ZFHX3: variants seen among roughly 807,000 people sequenced by gnomAD.
ZFHX3 encodes the protein zinc finger homeobox protein 3.
In ZFHX3, 42 loss-of-function variants were observed where a neutral mutation model predicts 279.1. The observed-to-expected ratio is 0.15, with a 90% CI of 0.12 to 0.19. The LOEUF is 0.19. Ranked by LOEUF, ZFHX3 falls within the 10% of genes least tolerant of loss-of-function variation. The probability of loss-of-function intolerance (pLI) is 1.00; values close to 1 mark genes in which losing one functional copy is unlikely to be tolerated. For missense variants in ZFHX3, 4,981 were observed against 4,754.0 expected (o/e 1.05, Z -1.40); for synonymous variants, 2,293 against 1,957.8 (o/e 1.17, Z -4.52).
chr16:73,749,309 C>A (rs935058737), intron 1 of ZFHX3, among the ~76,000 whole-genome samples: 1 of 151,864 alleles, frequency 6.6e-6, no homozygotes, highest in Non-Finnish European at 1.5e-5. Context: ...TCCCTTCCCA[C>A]TACCCCGATA....
At chr16:73,189,929 T>C (rs1334294662) in intron 5 of ZFHX3, among the ~76,000 whole-genome samples, 1 of 151,682 alleles carries the variant, frequency 6.6e-6, no homozygotes. Context: ...CCCTCATCTC[T>C]AAAAAAATTA....
chr16:73,381,333 G>T (rs2113268), intron 3 of ZFHX3, among the ~76,000 whole-genome samples: 86,243 of 151,984 alleles, frequency 0.57, 25,081 homozygotes, highest in Non-Finnish European at 0.63. Context: ...TCTTTTGGTA[G>T]GGTAATTTCA....
chr16:73,703,880 G>A (rs892638538), intron 1 of ZFHX3, among the ~76,000 whole-genome samples: 2 of 152,146 alleles, frequency 1.3e-5, no homozygotes, highest in African/African-American at 4.8e-5. Flanking sequence ...AAAAGTAGGG[G>A]AATAAAAAGC....
intron 5 of ZFHX3, among the ~76,000 whole-genome samples, chr16:73,162,331 A>T (rs756500915): frequency 5.9e-5 from 9 of 152,222 alleles, no homozygotes; most frequent in Non-Finnish European, 1.0e-4. Flanking sequence ...CACACTCTTC[A>T]TGAGAATCTA....
At chr16:72,833,095 T>C (rs977542648) in intron 4 of ZFHX3, among the ~76,000 whole-genome samples, 1 of 152,162 alleles carries the variant, frequency 6.6e-6, no homozygotes, top group East Asian at 1.9e-4. Flanking sequence ...GTGTGTTTTA[T>C]TGGTTCCGAA....
chr16:73,436,216 G>T (rs2017995511), intron 3 of ZFHX3, among the ~76,000 whole-genome samples: 1 of 152,204 alleles, frequency 6.6e-6, no homozygotes, highest in Non-Finnish European at 1.5e-5. Flanking sequence ...AGCTGCTTGG[G>T]AGGCTGAGGC....
chr16:73,160,703 T>G lies in ZFHX3; in HGVS notation c.-1103-16872A>C, dbSNP rs80115343. ...AGAAAGAAAAGATATTTGGATTGCT[T>G]TACCCTTTCAAGCAAAATAGGAATC... On this transcript the variant is annotated intron_variant, in intron 5 of 17. Coordinates refer to the ZFHX3 transcript ENST00000641206. Among the ~76,000 whole-genome samples, 358 of 152,216 alleles carry G rather than the reference T, an allele frequency of 2.4e-3. 14 individuals carry two copies. The East Asian group carries it at 0.065, about 27-fold the overall frequency.
At chr16:73,117,845 T>G (rs1359935135) in intron 7 of ZFHX3, among the ~76,000 whole-genome samples, 3 of 152,206 alleles carry the variant, frequency 2.0e-5, no homozygotes, top group Admixed American at 6.5e-5. Context: ...TTCTACCATA[T>G]GAGGACACAG....
chr16:73,263,084 G>T (rs999246191), intron 4 of ZFHX3, among the ~76,000 whole-genome samples: 1 of 152,104 alleles, frequency 6.6e-6, no homozygotes, highest in Non-Finnish European at 1.5e-5. Context: ...TAAAATGCTT[G>T]TTGTTTTAAG....
At chr16:72,877,710 G>A (rs1018075600) in intron 4 of ZFHX3, among the ~76,000 whole-genome samples, 1 of 152,208 alleles carries the variant, frequency 6.6e-6, no homozygotes, top group Non-Finnish European at 1.5e-5. Flanking sequence ...CTAAAACAGA[G>A]AGCCCCAAAG....
chr16:72,922,128 G>A (rs1156434030), intron 3 of ZFHX3, among the ~76,000 whole-genome samples: 4 of 152,152 alleles, frequency 2.6e-5, no homozygotes, highest in Non-Finnish European at 5.9e-5. Context: ...TTTCCACACT[G>A]CAGGGGCACC....
At chr16:72,919,183 G>T (rs2039520607) in intron 3 of ZFHX3, among the ~76,000 whole-genome samples, 1 of 151,340 alleles carries the variant, frequency 6.6e-6, no homozygotes, top group African/African-American at 2.4e-5. Flanking sequence ...TAGAGACAGG[G>T]TCTCACTCTG....
intron 2 of ZFHX3, among the ~76,000 whole-genome samples, chr16:73,543,777 T>C (rs1220718075): frequency 6.7e-6 from 1 of 150,372 alleles, no homozygotes. Flanking sequence ...AGACTGTGAA[T>C]AAATGCGAGT....
intron 4 of ZFHX3, among the ~76,000 whole-genome samples, chr16:73,285,599 C>A (rs529174413): frequency 6.6e-6 from 1 of 152,210 alleles, no homozygotes; most frequent in African/African-American, 2.4e-5. Context: ...GAAACCTCTG[C>A]GTAAAGACCA....
intron 5 of ZFHX3, among the ~76,000 whole-genome samples, chr16:73,151,660 A>G (rs1196823238): frequency 2.6e-5 from 4 of 152,094 alleles, no homozygotes; most frequent in Non-Finnish European, 2.9e-5. Flanking sequence ...ATAAAAACAC[A>G]TTTAGGTCTG....
intron 1 of ZFHX3, among the ~76,000 whole-genome samples, chr16:72,988,355 G>A (rs1171170502): frequency 6.6e-6 from 1 of 152,208 alleles, no homozygotes; most frequent in East Asian, 1.9e-4. Flanking sequence ...GCAGCTGACT[G>A]AAGGGTGCAT....
chr16:73,447,079 G>A (rs185997605), intron 3 of ZFHX3, among the ~76,000 whole-genome samples: 4 of 151,776 alleles, frequency 2.6e-5, no homozygotes, highest in African/African-American at 9.7e-5. Context: ...TACTCGGGAG[G>A]CTGAGGCAGG....
At chr16:73,507,724 C>T (rs2019352944) in intron 2 of ZFHX3, among the ~76,000 whole-genome samples, 1 of 151,950 alleles carries the variant, frequency 6.6e-6, no homozygotes, top group Non-Finnish European at 1.5e-5. Context: ...TGGTGTTGAA[C>T]TCGTGGCTTC....
chr16:73,728,015 G>GCCCCCCCCCCCCCCC (rs3049673), intron 1 of ZFHX3, among the ~76,000 whole-genome samples: 16 of 75,484 alleles, frequency 2.1e-4, no homozygotes, highest in Non-Finnish European at 2.9e-4. Flanking sequence ...GCCGAATTGT[G>GCCCCCCCCCCCCCCC]CCCCCCCCCC....
Sources: allele counts gnomAD v4.1 joint callset (sites outside exome capture counted in the v4.1 genomes callset), GRCh38; gene constraint gnomAD v4.1.1; transcripts MANE v1.5; gene names NCBI Gene and HGNC (gene_info 2026-07-23, HGNC 2026-07-21).